The following TAF1A variants were observed in gnomAD, a reference collection of about 807,000 sequenced individuals.
TAF1A encodes the protein TATA-box binding protein associated factor, RNA polymerase I subunit A.
Under a neutral mutation model 61.6 loss-of-function variants are expected in TAF1A, and 42 were observed. That is an observed-to-expected ratio of 0.68 (90% CI 0.53 to 0.88). TAF1A has a LOEUF of 0.88. TAF1A is among the 40% of genes least tolerant of loss of function. The pLI, the probability that TAF1A is intolerant of heterozygous loss-of-function variation, is 0.00. For missense variants in TAF1A, 424 were observed against 518.7 expected (o/e 0.82, Z 1.77); for synonymous variants, 179 against 177.7 (o/e 1.01, Z -0.06).
chr1:222,580,696 G>A (rs1271700375), intron 3 of TAF1A, among the ~76,000 whole-genome samples: 1 of 151,810 alleles, frequency 6.6e-6, no homozygotes, highest in Non-Finnish European at 1.5e-5. Flanking sequence ...TGTAGTATTT[G>A]GGAGCTTAAA....
Position 222,564,051 on chromosome 1 carries a change from T to C in TAF1A, c.961+8A>G. 3 of 1,505,912 alleles carry C rather than the reference T, an allele frequency of 2.0e-6. No individual in the cohort carries two copies. Among genetic ancestry groups the C allele is most frequent in the South Asian group, 2.3e-5 (2 of 87,216 alleles). The allele number at this position is 1,505,912 out of a possible 1,614,324, so 93.3% of individuals were successfully genotyped here. On this transcript the variant is annotated splice_region_variant and intron_variant, in intron 8 of 10. Coordinates refer to ENST00000352967, the MANE Select transcript of TAF1A (RefSeq NM_005681.4). Reference sequence around the variant, plus strand: ...TACACAAGGTATAAAACAACATTTATTTATTACCTGATTTTCTAAGTAATG... The same window carrying C: ...TACACAAGGTATAAAACAACATTTACTTATTACCTGATTTTCTAAGTAATG...
chr1:222,588,468 C>A lies in TAF1A; in HGVS notation c.96G>T (p.Trp32Cys). The A allele has an allele frequency of 5.0e-6, 8 of 1,613,700 alleles. No individual in the cohort carries two copies. Among genetic ancestry groups the A allele is most frequent in the Non-Finnish European group, 5.9e-6 (7 of 1,179,882 alleles). ...VLSGAGMHFP[W>C]LQTYVETVAI... Reference sequence around the variant, plus strand: ...CCACAGTTTCTACGTATGTTTGAAGCCAAGGAAAATGCATTCCTGCACCAC... The same window carrying A: ...CCACAGTTTCTACGTATGTTTGAAGACAAGGAAAATGCATTCCTGCACCAC... The change falls in exon 2 of 11, where the codon TGG (tryptophan) becomes TGT (cysteine). Residue 32 changes from tryptophan (W) to cysteine (C), a missense_variant. Physicochemically the swap from Trp to Cys is radical, Grantham distance 215. Coordinates refer to ENST00000352967, the MANE Select transcript of TAF1A (RefSeq NM_005681.4).
chr1:222,570,479 T>C (rs1046848653), intron 6 of TAF1A, 56 bp downstream of exon 6: 1 of 1,502,974 alleles, frequency 6.7e-7, no homozygotes, highest in Non-Finnish European at 9.0e-7. Context: ...GCATGCAGTC[T>C]TTGTATAGGC....
intron 2 of TAF1A, among the ~76,000 whole-genome samples, chr1:222,585,642 C>T (rs1412778896): frequency 1.3e-5 from 2 of 152,014 alleles, no homozygotes; most frequent in Non-Finnish European, 2.9e-5. Flanking sequence ...TTATATTGAT[C>T]AGCTGTGTAC....
At chr1:222,573,397 A>C (rs1660439914) in intron 5 of TAF1A, among the ~76,000 whole-genome samples, 1 of 152,264 alleles carries the variant, frequency 6.6e-6, no homozygotes, top group African/African-American at 2.4e-5. Context: ...AAGTACTCTT[A>C]CAAAACTCAA....
At position 222,570,557 on chromosome 1, in the gene TAF1A, G is replaced by T; in HGVS notation, c.713C>A (p.Pro238His). Residue 238 changes from proline to histidine, a missense_variant, in exon 6 of 11, where the codon CCT (proline) becomes CAT (histidine). Transcript: ENST00000352967. ...TACTTCTACATAACTCTTCACAAAAGGGTCCCAAACTCCAGGAATTTTAAT... is the reference window on the plus strand; with the variant it reads ...TACTTCTACATAACTCTTCACAAAATGGTCCCAAACTCCAGGAATTTTAAT... ...ALIKIPGVWD[P>H]FVKSYVEMLE... 1.2e-6 allele frequency: 2 copies of T among 1,610,878 alleles called. No individual in the cohort carries two copies. Among genetic ancestry groups the T allele is most frequent in the South Asian group, 1.1e-5 (1 of 90,676 alleles).
chr1:222,589,089 A>G (rs1661144827), intron 1 of TAF1A, among the ~76,000 whole-genome samples: 2 of 152,222 alleles, frequency 1.3e-5, no homozygotes, highest in South Asian at 4.1e-4. Flanking sequence ...AGTCTAGGAA[A>G]TAGAACACCA....
In TAF1A at chr1:222,561,252, G is replaced by A. The variant is rs1313614632; in HGVS notation, c.1240+112C>T. 8.2e-6 allele frequency: 9 copies of A among 1,094,112 alleles called. No individual in the cohort carries two copies. In the Admixed American group the frequency reaches 2.1e-4, roughly 25 times the overall value. 67.8% of individuals were successfully genotyped at this position (1,094,112 alleles called of 1,614,324 possible). On this transcript the variant is annotated intron_variant, in intron 10 of 10. Coordinates refer to ENST00000352967, the MANE Select transcript of TAF1A (RefSeq NM_005681.4). ...CTTCCATTGAGCAGTTATGTCTTAA[G>A]CACCTAATATTTTTAGGTACCATGT... is the stretch of plus-strand genomic sequence containing the variant.
chr1:222,573,714 T>TA (rs1313149474), intron 5 of TAF1A, among the ~76,000 whole-genome samples: 8 of 152,136 alleles, frequency 5.3e-5, no homozygotes, highest in Non-Finnish European at 8.8e-5. Flanking sequence ...AGGATAAACT[T>TA]AGAGTTATAT....
rs544452063 is a variant in TAF1A at position 222,558,439 on chromosome 1, T to C, written c.*221A>G. The C allele has an allele frequency of 4.4e-6, 1 of 225,414 alleles. No individual in the cohort carries two copies. Among genetic ancestry groups the C allele is most frequent in the African/African-American group, 2.3e-5 (1 of 44,320 alleles). The allele number at this position is 225,414 out of a possible 1,614,324, so 14.0% of individuals were successfully genotyped here. ...TTGAAGAATTATTCCTTAACAAATG[T>C]AACATTTAACATTACAAAAAAGAAA... On this transcript the variant is annotated 3_prime_UTR_variant, in exon 11 of 11. Coordinates refer to ENST00000352967, the MANE Select transcript of TAF1A (RefSeq NM_005681.4).
intron 3 of TAF1A, among the ~76,000 whole-genome samples, chr1:222,581,497 C>G (rs1660788011): frequency 1.3e-5 from 2 of 152,052 alleles, no homozygotes; most frequent in Non-Finnish European, 2.9e-5. Flanking sequence ...CAGTATATGC[C>G]AGGCACTGTT....
At chr1:222,566,172 T>A (rs1261622063) in intron 7 of TAF1A, among the ~76,000 whole-genome samples, 1 of 152,138 alleles carries the variant, frequency 6.6e-6, no homozygotes, top group Non-Finnish European at 1.5e-5. Flanking sequence ...AGGACTTGAA[T>A]AGACATTTGC....
chr1:222,563,442 G>T, intron 8 of TAF1A, 146 bp from the exon 9 acceptor site: 2 of 918,294 alleles, frequency 2.2e-6, no homozygotes, highest in Non-Finnish European at 3.2e-6. Flanking sequence ...CTGGTTAACA[G>T]TTTTTAAAAA....
chr1:222,567,299 C>T (rs368132485), intron 7 of TAF1A, among the ~76,000 whole-genome samples: 6 of 146,140 alleles, frequency 4.1e-5, no homozygotes, highest in African/African-American at 1.5e-4. Context: ...CTGGGAGGAG[C>T]AGGCAATGAG....
intron 3 of TAF1A, among the ~76,000 whole-genome samples, chr1:222,581,534 T>C (rs1277565020): frequency 1.3e-5 from 2 of 152,222 alleles, no homozygotes; most frequent in African/African-American, 4.8e-5. Flanking sequence ...AAATTTACAT[T>C]CTATGTAGAG....
intron 6 of TAF1A, 125 bp from the exon 7 acceptor site, chr1:222,569,793 T>A: frequency 1.2e-6 from 1 of 848,716 alleles, no homozygotes; most frequent in South Asian, 2.0e-5. Context: ...GGTTCCCATT[T>A]TTTCCCTGTA....
At chr1:222,568,627 A>G (rs1369552474) in intron 7 of TAF1A, among the ~76,000 whole-genome samples, 2 of 152,214 alleles carry the variant, frequency 1.3e-5, no homozygotes, top group Non-Finnish European at 2.9e-5. Context: ...ATGTGGAGAA[A>G]CTGAATTTTC....
At chr1:222,586,639 CTT>C (rs1661028616) in intron 2 of TAF1A, among the ~76,000 whole-genome samples, 1 of 152,162 alleles carries the variant, frequency 6.6e-6, no homozygotes. Context: ...AATCTGGAAA[CTT>C]ATCAATCTGT....
intron 7 of TAF1A, chr1:222,568,894 T>C (rs576400090): frequency 1.3e-5 from 2 of 152,694 alleles, no homozygotes; most frequent in South Asian, 4.1e-4. Context: ...TGAAATACTA[T>C]TCAGCAGTAA....
Sources: allele counts gnomAD v4.1 joint callset (sites outside exome capture counted in the v4.1 genomes callset), GRCh38; gene constraint gnomAD v4.1.1; transcripts MANE v1.5; gene names NCBI Gene and HGNC (gene_info 2026-07-23, HGNC 2026-07-21).